The following ZNF385D variants were observed in gnomAD, a reference collection of about 807,000 sequenced individuals.
ZNF385D encodes zinc finger protein 385D, also known as zinc finger protein 659.
Under a neutral mutation model 35.8 loss-of-function variants are expected in ZNF385D, and 15 were observed. The ratio of observed to expected loss-of-function variants is 0.42; its 90% CI spans 0.28 to 0.64. The LOEUF (loss-of-function observed/expected upper bound fraction) is 0.64. Ranked by LOEUF, ZNF385D falls within the 30% of genes least tolerant of loss-of-function variation. ZNF385D has a pLI of 0.23. For missense variants in ZNF385D, 474 were observed against 494.6 expected (o/e 0.96, Z 0.39); for synonymous variants, 212 against 186.8 (o/e 1.13, Z -1.10).
chr3:22,364,077 G>A (rs1696540131), intron 2 of ZNF385D, among the ~76,000 whole-genome samples: 1 of 151,960 alleles, frequency 6.6e-6, no homozygotes, highest in African/African-American at 2.4e-5. Flanking sequence ...ATTCTAGTCT[G>A]TAATTATAGT....
chr3:22,015,544 G>A (rs1696831999), intron 3 of ZNF385D, among the ~76,000 whole-genome samples: 1 of 151,968 alleles, frequency 6.6e-6, no homozygotes, highest in Non-Finnish European at 1.5e-5. Flanking sequence ...TCCCATTTCT[G>A]TCCATTCATC....
chr3:21,519,231 A>C (rs902370303), intron 3 of ZNF385D, among the ~76,000 whole-genome samples: 2 of 152,198 alleles, frequency 1.3e-5, no homozygotes, highest in Non-Finnish European at 1.5e-5. Flanking sequence ...GAGGAAGAGA[A>C]GCATGTCACA....
chr3:21,918,749 T>G (rs935394012), intron 3 of ZNF385D, among the ~76,000 whole-genome samples: 1 of 152,216 alleles, frequency 6.6e-6, no homozygotes, highest in Admixed American at 6.5e-5. Context: ...TGTCTTTTTA[T>G]TGGCAGAAGT....
At position 21,425,551 on chromosome 3, in the gene ZNF385D, T is replaced by C; in HGVS notation, c.793A>G (p.Lys265Glu). The C allele has an allele frequency of 1.2e-6, 2 of 1,611,986 alleles. No individual in the cohort carries two copies. The highest frequency in any genetic ancestry group is 1.7e-6 in the Non-Finnish European group (2 of 1,179,010). The stretch of plus-strand genomic sequence containing the variant: ...TCACAGATTTCACAGTGAAATGTTT[T>C]ATTTTGGAGGCCTGTGTTTCCTTTA... ...VNKGNTGLQN[K>E]TFHCEICDVH... Residue 265 changes from lysine (K) to glutamate (E), a missense_variant, in exon 6 of 8, where the codon AAA (lysine) becomes GAA (glutamate). By Grantham distance (56) the Lys-to-Glu change is moderately conservative (BLOSUM62 1). Coordinates refer to ENST00000281523, the MANE Select transcript of ZNF385D (RefSeq NM_024697.3).
At chr3:21,525,351 C>T (rs1054980692) in intron 3 of ZNF385D, among the ~76,000 whole-genome samples, 6 of 151,716 alleles carry the variant, frequency 4.0e-5, no homozygotes, top group Non-Finnish European at 5.9e-5. Flanking sequence ...TGGCATTTGC[C>T]GTTAGCACTG....
chr3:21,972,207 A>G (rs1229465661), intron 3 of ZNF385D, among the ~76,000 whole-genome samples: 1 of 152,016 alleles, frequency 6.6e-6, no homozygotes, highest in African/African-American at 2.4e-5. Flanking sequence ...AATAGGACAA[A>G]AAGTCTTAAA....
rs201953816 is a variant in ZNF385D at position 22,315,798 on chromosome 3, GGAT to G, written c.106+56649_106+56651del. ...AGTTTATAGTTTAACTTTAAAGCAA[GGAT>G]GATAATAGCCCCTCCCTAAAACTGA... On this transcript the variant is annotated intron_variant, in intron 2 of 5. Coordinates refer to the ZNF385D transcript ENST00000494108. Among the ~76,000 whole-genome samples, 383 of 152,188 alleles carry G rather than the reference GGAT, an allele frequency of 2.5e-3. 2 individuals are homozygous for G. The highest frequency in any genetic ancestry group is 8.9e-3 in the African/African-American group (370 of 41,536).
intron 3 of ZNF385D, among the ~76,000 whole-genome samples, chr3:22,143,680 T>A (rs1004724485): frequency 1.3e-5 from 2 of 152,210 alleles, no homozygotes; most frequent in Non-Finnish European, 2.9e-5. Flanking sequence ...AGTAATGTAA[T>A]GAACATCAAC....
At chr3:21,715,219 AT>A (rs1399699286) in intron 1 of ZNF385D, among the ~76,000 whole-genome samples, 1 of 152,084 alleles carries the variant, frequency 6.6e-6, no homozygotes, top group Non-Finnish European at 1.5e-5. Context: ...CTCATTAAGT[AT>A]TTTTTCCTCA....
intron 2 of ZNF385D, among the ~76,000 whole-genome samples, chr3:22,333,787 T>C (rs1695043208): frequency 6.6e-6 from 1 of 152,206 alleles, no homozygotes; most frequent in Non-Finnish European, 1.5e-5. Context: ...CCCTCTGAGT[T>C]GGTGCAGACA....
chr3:22,049,861 G>A (rs553547563), intron 3 of ZNF385D, among the ~76,000 whole-genome samples: 1 of 152,178 alleles, frequency 6.6e-6, no homozygotes, highest in South Asian at 2.1e-4. Flanking sequence ...CTTGATCATG[G>A]TGAGTTATTC....
chr3:22,121,381 T>C (rs1169267726), intron 3 of ZNF385D, among the ~76,000 whole-genome samples: 1 of 152,194 alleles, frequency 6.6e-6, no homozygotes, highest in African/African-American at 2.4e-5. Context: ...CAGATTTAAC[T>C]CAGCATGCAT....
intron 3 of ZNF385D, among the ~76,000 whole-genome samples, chr3:21,805,059 G>A (rs6419843): frequency 0.92 from 140,684 of 152,214 alleles, 65,097 homozygotes; most frequent in East Asian, 0.98. Context: ...TATACCACTA[G>A]GTGGGTTTCC....
intron 1 of ZNF385D, among the ~76,000 whole-genome samples, chr3:21,720,880 G>A (rs1352342232): frequency 6.6e-6 from 1 of 152,130 alleles, no homozygotes; most frequent in Non-Finnish European, 1.5e-5. Context: ...TCCATATGGT[G>A]ACAAAAAGTG....
At chr3:21,998,024 C>A (rs1695591101) in intron 3 of ZNF385D, among the ~76,000 whole-genome samples, 1 of 151,908 alleles carries the variant, frequency 6.6e-6, no homozygotes, top group Non-Finnish European at 1.5e-5. Context: ...CAGCCAAAAC[C>A]AGCCAGGACT....
At chr3:22,075,376 T>C (rs944464827) in intron 3 of ZNF385D, among the ~76,000 whole-genome samples, 1 of 151,910 alleles carries the variant, frequency 6.6e-6, no homozygotes, top group Non-Finnish European at 1.5e-5. Context: ...TCAATTTCAC[T>C]CTAATCTGAT....
At position 22,237,902 on chromosome 3, in the gene ZNF385D, A is replaced by G. The variant is rs544311863; in HGVS notation, c.107-68867T>C. The stretch of plus-strand genomic sequence containing the variant: ...TGTGATCTGCCCGCCACAACCTCCC[A>G]AAGTGCTGGCATTACAGGCCTGAGT... On this transcript the variant is annotated intron_variant, in intron 2 of 5. Coordinates refer to the ZNF385D transcript ENST00000494108. Among the ~76,000 whole-genome samples the G allele has an allele frequency of 2.7e-5, 4 of 150,918 alleles. 2 individuals are homozygous for G. In the South Asian group the frequency reaches 8.7e-4, roughly 33 times the overall value.
intron 2 of ZNF385D, among the ~76,000 whole-genome samples, chr3:21,636,401 TATATATATATATAG>T (rs2065447360): frequency 2.4e-5 from 1 of 42,422 alleles, no homozygotes; most frequent in Admixed American, 3.1e-4. Flanking sequence ...TATATATATA[TATATATATATATAG>T]AGTTTCTTAA....
At chr3:22,159,929 C>T (rs1357585647) in intron 3 of ZNF385D, among the ~76,000 whole-genome samples, 1 of 151,878 alleles carries the variant, frequency 6.6e-6, no homozygotes, top group African/African-American at 2.4e-5. Flanking sequence ...TGGTTGTGTC[C>T]CCAGCCAAAA....
Sources: gnomAD v4.1 joint callset for allele counts (sites outside exome capture counted in the v4.1 genomes callset) on GRCh38, gnomAD v4.1.1 for gene constraint, MANE v1.5 for transcripts, NCBI Gene and HGNC (gene_info 2026-07-23, HGNC 2026-07-21) for gene names.